TUBA1A: variants seen among roughly 807,000 people sequenced by gnomAD.
The protein encoded by TUBA1A is tubulin alpha-1A chain.
A neutral mutation model predicts 34.6 loss-of-function variants in TUBA1A; 7 were observed. The ratio of observed to expected loss-of-function variants is 0.20; its 90% CI spans 0.11 to 0.38. The LOEUF is 0.38. Among genes scored for constraint, TUBA1A ranks in the 10% least tolerant of loss-of-function variants. TUBA1A has a pLI of 1.00. For synonymous variants in TUBA1A, 193 were observed against 210.2 expected (o/e 0.92, Z 0.71); for missense variants, 19 against 581.3 (o/e 0.03, Z 9.95).
chr12:49,188,777 C>G lies in TUBA1A; in HGVS notation c.3+200G>C, dbSNP rs1181548929. 2.0e-5 allele frequency: 32 copies of G among 1,561,690 alleles called. No homozygotes were observed. The highest frequency in any genetic ancestry group is 2.7e-5 in the Non-Finnish European group (31 of 1,162,778). ...CCCCAGCGCTCTGCTGCGCCCTGGGCGCAGTACTGGCCCGGTTCCTGCACC... is the reference window on the plus strand; with the variant it reads ...CCCCAGCGCTCTGCTGCGCCCTGGGGGCAGTACTGGCCCGGTTCCTGCACC... On this transcript the variant is annotated intron_variant, in intron 1 of 3. Coordinates refer to ENST00000301071, the MANE Select transcript of TUBA1A (RefSeq NM_006009.4). The surrounding 1 kb of genome is among the most constrained non-coding windows in gnomAD (Gnocchi z 4.9).
rs1942210867 is a variant in TUBA1A at position 49,188,467 on chromosome 12, G to T, written c.3+510C>A. On this transcript the variant is annotated intron_variant, in intron 1 of 3. Transcript: ENST00000301071. This position sits in a 1 kb window ranked among gnomAD's most constrained non-coding sequence, Gnocchi z 4.9. ...ATCTTTCCAAAACGCCAAAGACCGCGGAGGGTCTTCCCACGCTAACCCTAG... is the reference window on the plus strand; with the variant it reads ...ATCTTTCCAAAACGCCAAAGACCGCTGAGGGTCTTCCCACGCTAACCCTAG... 1.2e-5 allele frequency: 18 copies of T among 1,535,406 alleles called. No individual in the cohort carries two copies. The highest frequency in any genetic ancestry group is 2.4e-5 in the East Asian group (1 of 40,834).
Position 49,189,061 on chromosome 12 carries a change from G to A in TUBA1A, c.-82C>T. 6.3e-7 allele frequency: 1 copy of A among 1,584,166 alleles called. No homozygotes were observed. Among genetic ancestry groups the A allele is most frequent in the Non-Finnish European group, 8.7e-7 (1 of 1,152,906 alleles). On this transcript the variant is annotated 5_prime_UTR_variant, in exon 1 of 4. Coordinates refer to ENST00000301071, the MANE Select transcript of TUBA1A (RefSeq NM_006009.4). The stretch of plus-strand genomic sequence containing the variant: ...CTTCTTACAGCGCGACTCTTAGGCG[G>A]TCGATGTAAGAGAACCTGCGGCACA...
At position 49,184,944 on chromosome 12, in the gene TUBA1A, A is replaced by C; in HGVS notation, c.*66T>G. On this transcript the variant is annotated 3_prime_UTR_variant, in exon 4 of 4. Transcript: ENST00000301071. ...CATACAAATTAACTGATCAGACCAC[A>C]ACTTTTCAATGTTTAAAACAGAATA... 2 of 1,613,436 alleles carry C rather than the reference A, an allele frequency of 1.2e-6. No individual in the cohort carries two copies. Among genetic ancestry groups the C allele is most frequent in the Non-Finnish European group, 1.7e-6 (2 of 1,179,656 alleles).
In TUBA1A at chr12:49,188,095, C is replaced by CAA. The variant is rs1942204939; in HGVS notation, c.3+881_3+882insTT. On this transcript the variant is annotated intron_variant, in intron 1 of 3. Transcript: ENST00000301071. The surrounding 1 kb of genome is among the most constrained non-coding windows in gnomAD (Gnocchi z 4.9). Reference sequence around the variant, plus strand: ...TCCCACAGACACACACACACACACACACACACACACACACACACTTCAGTC... The same window carrying CAA: ...TCCCACAGACACACACACACACACACAAACACACACACACACACACTTCAGTC... 1 of 982,608 alleles carries CAA rather than the reference C, an allele frequency of 1.0e-6. No homozygotes were observed. Among genetic ancestry groups the CAA allele is most frequent in the Non-Finnish European group, 1.2e-6 (1 of 828,304 alleles). The allele number at this position is 982,608 out of a possible 1,614,324, so 60.9% of individuals were successfully genotyped here.
Position 49,184,871 on chromosome 12 carries a change from T to C in TUBA1A, c.*139A>G, listed in dbSNP as rs1942158668. The C allele has an allele frequency of 7.1e-7, 1 of 1,414,296 alleles. No homozygotes were observed. The highest frequency in any genetic ancestry group is 9.9e-7 in the Non-Finnish European group (1 of 1,005,758). 87.6% of individuals were successfully genotyped at this position (1,414,296 alleles called of 1,614,324 possible). A position where few individuals can be genotyped will look rare whatever the true frequency, so the allele number is the denominator to read the frequency against. ...GCTTGGGTCTGTAACAAAGCATTCA[T>C]GTTTTAGAGCATAGGTCAGTAATTG... On this transcript the variant is annotated 3_prime_UTR_variant, in exon 4 of 4. Transcript: ENST00000301071.
In TUBA1A at chr12:49,188,435, T is replaced by G; in HGVS notation, c.3+542A>C. On this transcript the variant is annotated intron_variant, in intron 1 of 3. Transcript: ENST00000301071. This position sits in a 1 kb window ranked among gnomAD's most constrained non-coding sequence, Gnocchi z 4.9. ...AACTCACCATGTTTTCCCGGGAATG[T>G]GTGGGTATCTTTCCAAAACGCCAAA... 1 of 1,535,910 alleles carries G rather than the reference T, an allele frequency of 6.5e-7. No individual in the cohort carries two copies. The highest frequency in any genetic ancestry group is 8.7e-7 in the Non-Finnish European group (1 of 1,146,816).
At position 49,188,497 on chromosome 12, in the gene TUBA1A, C is replaced by A; in HGVS notation, c.3+480G>T. On this transcript the variant is annotated intron_variant, in intron 1 of 3. Coordinates refer to ENST00000301071, the MANE Select transcript of TUBA1A (RefSeq NM_006009.4). The surrounding 1 kb of genome is among the most constrained non-coding windows in gnomAD (Gnocchi z 4.9). ...GTCTTCCCACGCTAACCCTAGGCTG[C>A]GCTTTGTTCCCGTTCCCCCTCCCAC... 2.0e-6 allele frequency: 3 copies of A among 1,526,420 alleles called. No homozygotes were observed. Among genetic ancestry groups the A allele is most frequent in the Non-Finnish European group, 2.6e-6 (3 of 1,140,388 alleles). 94.6% of individuals were successfully genotyped at this position (1,526,420 alleles called of 1,614,324 possible).
In TUBA1A at chr12:49,185,412, C is replaced by T. The variant is rs17123567; in HGVS notation, c.954G>A (p.Leu318=). 6.8e-6 allele frequency: 11 copies of T among 1,614,048 alleles called. No homozygotes were observed. Among genetic ancestry groups the T allele is most frequent in the Admixed American group, 3.3e-5 (2 of 60,008 alleles). ...CTTTGGGAACCACGTCACCACGGTACAACAGGCAGCAAGCCATGTATTTAC... is the reference window on the plus strand; with the variant it reads ...CTTTGGGAACCACGTCACCACGGTATAACAGGCAGCAAGCCATGTATTTAC... ...RHGKYMACCL[L]YRGDVVPKDV... is the part of the protein sequence containing the mutation. Residue 318 remains leucine, a synonymous_variant, in exon 4 of 4, where the codon TTG becomes TTA. Coordinates refer to ENST00000301071, the MANE Select transcript of TUBA1A (RefSeq NM_006009.4).
rs1006369928 is a variant in TUBA1A, at chr12:49,188,997, T to G, written c.-18A>C. Reference sequence around the variant, plus strand: ...CTCACCATGGTTGCTGCTTCGCGACTGCCGAGCTGATGGCGGAGACGAAGA... The same window carrying G: ...CTCACCATGGTTGCTGCTTCGCGACGGCCGAGCTGATGGCGGAGACGAAGA... On this transcript the variant is annotated 5_prime_UTR_variant, in exon 1 of 4. Coordinates refer to ENST00000301071, the MANE Select transcript of TUBA1A (RefSeq NM_006009.4). The surrounding 1 kb of genome is among the most constrained non-coding windows in gnomAD (Gnocchi z 4.9). 6.2e-7 allele frequency: 1 copy of G among 1,614,130 alleles called. No homozygotes were observed. The highest frequency in any genetic ancestry group is 1.3e-5 in the African/African-American group (1 of 74,952).
rs201587501 is a variant in TUBA1A, at chr12:49,185,958, C to T, written c.408G>A (p.Leu136=). ...ADQCTGLQGF[L]VFHSFGGGTG... ...TTCCCCCACCAAAGCTGTGGAAAAC[C>T]AAGAAGCCCTGGAGACCCGTGCACT... Residue 136 remains leucine (L), a synonymous_variant, in exon 4 of 4, where the codon TTG becomes TTA. Transcript: ENST00000301071. The T allele has an allele frequency of 2.1e-5, 34 of 1,613,958 alleles. No individual in the cohort carries two copies. Among genetic ancestry groups the T allele is most frequent in the Non-Finnish European group, 2.9e-5 (34 of 1,180,022 alleles).
At chr12:49,187,161 A>G (rs1316535161) in intron 1 of TUBA1A, 9 of 1,208,674 alleles carry the variant, frequency 7.4e-6, no homozygotes, top group Non-Finnish European at 8.3e-6. Flanking sequence ...AGTAAATCCA[A>G]TTATGACTTA....
In TUBA1A at chr12:49,189,043, C is replaced by G; in HGVS notation, c.-64G>C. Reference sequence around the variant, plus strand: ...GAAGAGGAGAGGTTGTTGCTTCTTACAGCGCGACTCTTAGGCGGTCGATGT... The same window carrying G: ...GAAGAGGAGAGGTTGTTGCTTCTTAGAGCGCGACTCTTAGGCGGTCGATGT... On this transcript the variant is annotated 5_prime_UTR_variant, in exon 1 of 4. Coordinates refer to ENST00000301071, the MANE Select transcript of TUBA1A (RefSeq NM_006009.4). 1 of 1,608,906 alleles carries G rather than the reference C, an allele frequency of 6.2e-7. No individual in the cohort carries two copies.
Position 49,185,993 on chromosome 12 carries a change from A to G in TUBA1A, c.376-3T>C, listed in dbSNP as rs1227398954. 5 of 1,614,200 alleles carry G rather than the reference A, an allele frequency of 3.1e-6. No homozygotes were observed. Among genetic ancestry groups the G allele is most frequent in the Non-Finnish European group, 4.2e-6 (5 of 1,180,036 alleles). The stretch of plus-strand genomic sequence containing the variant: ...TGGAGACCCGTGCACTGGTCGGCCT[A>G]TAACAAAAGAGAGGAACAGAGGAAA... On this transcript the variant is annotated splice_region_variant and splice_polypyrimidine_tract_variant and intron_variant, in intron 3 of 3. Transcript: ENST00000301071.
In TUBA1A at chr12:49,188,766, T is replaced by G; in HGVS notation, c.3+211A>C. ...CCTTTGTTCCTCCCCAGCGCTCTGCTGCGCCCTGGGCGCAGTACTGGCCCG... is the reference window on the plus strand; with the variant it reads ...CCTTTGTTCCTCCCCAGCGCTCTGCGGCGCCCTGGGCGCAGTACTGGCCCG... On this transcript the variant is annotated intron_variant, in intron 1 of 3. Coordinates refer to ENST00000301071, the MANE Select transcript of TUBA1A (RefSeq NM_006009.4). This position sits in a 1 kb window ranked among gnomAD's most constrained non-coding sequence, Gnocchi z 4.9. 1 of 1,527,804 alleles carries G rather than the reference T, an allele frequency of 6.5e-7. No homozygotes were observed. The highest frequency in any genetic ancestry group is 8.7e-7 in the Non-Finnish European group (1 of 1,148,692). 94.6% of individuals were successfully genotyped at this position (1,527,804 alleles called of 1,614,324 possible).
In TUBA1A at chr12:49,186,609, A is replaced by G. The variant is rs780175589; in HGVS notation, c.226+2T>C. On this transcript the variant is annotated splice_donor_variant, in intron 2 of 3. Coordinates refer to ENST00000301071, the MANE Select transcript of TUBA1A (RefSeq NM_006009.4). LOFTEE classifies it high-confidence loss of function. This position sits in a 1 kb window ranked among gnomAD's most constrained non-coding sequence, Gnocchi z 6.6. ...TCACTTGGGTTACTGAGGTCAACTC[A>G]CCAATGACTGTGGGTTCCAAGTCTA... is the stretch of plus-strand genomic sequence containing the variant. 1 of 1,614,140 alleles carries G rather than the reference A, an allele frequency of 6.2e-7. No homozygotes were observed. Among genetic ancestry groups the G allele is most frequent in the Non-Finnish European group, 8.5e-7 (1 of 1,179,996 alleles).
chr12:49,188,210 T>G lies in TUBA1A; in HGVS notation c.3+767A>C. The G allele has an allele frequency of 2.0e-6, 2 of 985,168 alleles. No individual in the cohort carries two copies. The highest frequency in any genetic ancestry group is 2.4e-6 in the Non-Finnish European group (2 of 829,850). The allele number at this position is 985,168 out of a possible 1,614,324, so 61.0% of individuals were successfully genotyped here. On this transcript the variant is annotated intron_variant, in intron 1 of 3. Coordinates refer to ENST00000301071, the MANE Select transcript of TUBA1A (RefSeq NM_006009.4). The surrounding 1 kb of genome is among the most constrained non-coding windows in gnomAD (Gnocchi z 4.9). Reference sequence around the variant, plus strand: ...CAAGAAAAAAAAAAGTCATCTAACTTATAATAGTGAAGAAAACCCTTTTGG... The same window carrying G: ...CAAGAAAAAAAAAAGTCATCTAACTGATAATAGTGAAGAAAACCCTTTTGG...
At position 49,186,434 on chromosome 12, in the gene TUBA1A, C is replaced by T. The variant is rs1400284461; in HGVS notation, c.251G>A (p.Arg84His). Residue 84 changes from arginine (R) to histidine (H), a missense_variant, in exon 3 of 4, where the codon CGC (arginine) becomes CAC (histidine). Transcript: ENST00000301071. The surrounding 1 kb of genome is among the most constrained non-coding windows in gnomAD (Gnocchi z 6.6). ...AAGTTGCTCAGGGTGGAAGAGCTGG[C>T]GGTAGGTGCCAGTGCGAACTTCATC... ...VIDEVRTGTYRQLFHPEQLIT... is the reference protein window; with the variant it reads ...VIDEVRTGTYHQLFHPEQLIT... 5.0e-6 allele frequency: 8 copies of T among 1,607,128 alleles called. No individual in the cohort carries two copies. The South Asian group carries it at 7.7e-5, about 15-fold the overall frequency.
Position 49,186,847 on chromosome 12 carries a change from A to G in TUBA1A, c.4-14T>C. ...GATGCACTCACGCTGTGGGGAGGAA[A>G]AGTGAAAAAATCGTAAAATTAAGGT... On this transcript the variant is annotated splice_polypyrimidine_tract_variant and intron_variant, in intron 1 of 3. Coordinates refer to ENST00000301071, the MANE Select transcript of TUBA1A (RefSeq NM_006009.4). The surrounding 1 kb of genome is among the most constrained non-coding windows in gnomAD (Gnocchi z 6.6). 1 of 1,614,180 alleles carries G rather than the reference A, an allele frequency of 6.2e-7. No homozygotes were observed. The highest frequency in any genetic ancestry group is 8.5e-7 in the Non-Finnish European group (1 of 1,180,034).
Position 49,188,651 on chromosome 12 carries a change from A to T in TUBA1A, c.3+326T>A. The T allele has an allele frequency of 2.1e-6, 3 of 1,436,530 alleles. No individual in the cohort carries two copies. The highest frequency in any genetic ancestry group is 2.7e-6 in the Non-Finnish European group (3 of 1,100,952). The allele number at this position is 1,436,530 out of a possible 1,614,324, so 89.0% of individuals were successfully genotyped here. ...AACCGTGCGCACAGACACGGGGCCC[A>T]GCCGGGACGCCCCAGACCCCTCGGT... On this transcript the variant is annotated intron_variant, in intron 1 of 3. Transcript: ENST00000301071. The surrounding 1 kb of genome is among the most constrained non-coding windows in gnomAD (Gnocchi z 4.9).
Sources: allele counts gnomAD v4.1 joint callset, GRCh38; gene constraint gnomAD v4.1.1; non-coding constraint Gnocchi (gnomAD v3.1); transcripts MANE v1.5; gene names NCBI Gene and HGNC (gene_info 2026-07-23, HGNC 2026-07-21).